Variants in MAST4 observed in about 807,000 individuals in gnomAD.
The protein encoded by MAST4 is microtubule associated serine/threonine kinase family member 4, also known as microtubule-associated serine/threonine-protein kinase 4.
Under a neutral mutation model 162.7 loss-of-function variants are expected in MAST4, and 89 were observed. That is an observed-to-expected ratio of 0.55 (90% confidence interval 0.46 to 0.65). The LOEUF is 0.65. Among genes scored for constraint, MAST4 ranks in the 30% least tolerant of loss-of-function variants. The pLI is 0.00. For synonymous variants in MAST4, 1,479 were observed against 1,361.1 expected (o/e 1.09, Z -1.91); for missense variants, 3,153 against 3,374.0 (o/e 0.93, Z 1.62).
At chr5:67,042,691 C>T in intron 4 of MAST4, among the ~76,000 whole-genome samples, 1 of 152,160 alleles carries the variant, frequency 6.6e-6, no homozygotes, top group East Asian at 1.9e-4. Context: ...CTTCTCCATT[C>T]AGGAAACATT....
chr5:67,138,999 C>G (rs1165395686), intron 19 of MAST4, among the ~76,000 whole-genome samples: 3 of 152,206 alleles, frequency 2.0e-5, no homozygotes, highest in Non-Finnish European at 4.4e-5. Context: ...AGTTACTTCT[C>G]TGCACATTTT....
chr5:66,861,686 C>T (rs1055309574), intron 3 of MAST4, among the ~76,000 whole-genome samples: 1 of 152,138 alleles, frequency 6.6e-6, no homozygotes, highest in Non-Finnish European at 1.5e-5. Flanking sequence ...GCAGTGTGAC[C>T]TAAACATGAA....
At chr5:66,811,668 T>A (rs553030795) in intron 3 of MAST4, among the ~76,000 whole-genome samples, 1 of 152,302 alleles carries the variant, frequency 6.6e-6, no homozygotes, top group East Asian at 1.9e-4. Flanking sequence ...GAAAGTCTAA[T>A]CTGGTGAACA....
At chr5:67,105,104 G>A (rs1176290388) in intron 10 of MAST4, among the ~76,000 whole-genome samples, 1 of 152,176 alleles carries the variant, frequency 6.6e-6, no homozygotes, top group African/African-American at 2.4e-5. Context: ...CACAGGACCT[G>A]TCTAGGCCTA....
chr5:67,110,166 T>C lies in MAST4; in HGVS notation c.1425T>C (p.Val475=). Residue 475 remains valine, a synonymous_variant, in exon 11 of 29, where the codon GTT becomes GTC. Transcript: ENST00000403625. ...IKQLVRKILI[V]IARPARLLEC... ...AACTAGTTCGAAAGATCCTAATTGTTATTGCCCGCCCTGCTCGGTTATTAG... is the reference window on the plus strand; with the variant it reads ...AACTAGTTCGAAAGATCCTAATTGTCATTGCCCGCCCTGCTCGGTTATTAG... The C allele has an allele frequency of 3.7e-6, 6 of 1,613,708 alleles. No homozygotes were observed. The highest frequency in any genetic ancestry group is 4.2e-6 in the Non-Finnish European group (5 of 1,179,646).
chr5:66,810,140 C>T (rs768170297), intron 3 of MAST4, among the ~76,000 whole-genome samples: 8 of 152,132 alleles, frequency 5.3e-5, no homozygotes, highest in Admixed American at 1.3e-4. Context: ...ATGCTTGGCA[C>T]ACCATTACTT....
chr5:66,979,732 T>C (rs1748555265), intron 4 of MAST4, among the ~76,000 whole-genome samples: 1 of 152,238 alleles, frequency 6.6e-6, no homozygotes, highest in Non-Finnish European at 1.5e-5. Context: ...TTTCAGGCAA[T>C]AATTTGTCCA....
At chr5:67,066,096 AG>A (rs1207509434) in intron 5 of MAST4, among the ~76,000 whole-genome samples, 2 of 152,102 alleles carry the variant, frequency 1.3e-5, no homozygotes, top group African/African-American at 2.4e-5. Context: ...ATATAGTTTT[AG>A]GGGGGAGAGA....
intron 4 of MAST4, among the ~76,000 whole-genome samples, chr5:66,956,421 A>G (rs1287287965): frequency 6.6e-6 from 1 of 152,138 alleles, no homozygotes; most frequent in Non-Finnish European, 1.5e-5. Context: ...ATCATGGCTT[A>G]GATTCCCTGG....
chr5:67,166,502 C>A lies in MAST4; in HGVS notation c.7323C>A (p.Pro2441=), dbSNP rs1773997767. 6.2e-7 allele frequency: 1 copy of A among 1,605,830 alleles called. No homozygotes were observed. Among genetic ancestry groups the A allele is most frequent in the Non-Finnish European group, 8.5e-7 (1 of 1,176,376 alleles). ...ADKPNGMKRS[P]SATGQSSFRS... Reference sequence around the variant, plus strand: ...AGCCCAATGGCATGAAACGGTCCCCCTCAGCCACTGGGCAGAGTTCTTTCC... The same window carrying A: ...AGCCCAATGGCATGAAACGGTCCCCATCAGCCACTGGGCAGAGTTCTTTCC... Residue 2441 remains proline, a synonymous_variant, in exon 29 of 29, where the codon CCC becomes CCA. Transcript: ENST00000403625.
At chr5:66,821,949 A>G (rs1305788436) in intron 3 of MAST4, among the ~76,000 whole-genome samples, 1 of 152,162 alleles carries the variant, frequency 6.6e-6, no homozygotes, top group Non-Finnish European at 1.5e-5. Context: ...AGGTGTCCCC[A>G]GTGAGGGGCA....
At chr5:67,117,547 T>A (rs1420053827) in intron 12 of MAST4, among the ~76,000 whole-genome samples, 2 of 151,632 alleles carry the variant, frequency 1.3e-5, no homozygotes, top group Non-Finnish European at 2.9e-5. Context: ...AAATTAAGTT[T>A]TTTAAAATTG....
At position 67,131,889 on chromosome 5, in the gene MAST4, G is replaced by T. The variant is rs780433285; in HGVS notation, c.2031G>T (p.Thr677=). 3 of 1,613,158 alleles carry T rather than the reference G, an allele frequency of 1.9e-6. No individual in the cohort carries two copies. Among genetic ancestry groups the T allele is most frequent in the Non-Finnish European group, 2.5e-6 (3 of 1,179,334 alleles). The change falls in exon 16 of 29, where the codon ACG becomes ACT. Residue 677 remains threonine, a synonymous_variant. Coordinates refer to ENST00000403625, the MANE Select transcript of MAST4 (RefSeq NM_001164664.2). ...VDMARMYFAE[T]VLALEYLHNY... is the part of the protein sequence containing the mutation. Reference sequence around the variant, plus strand: ...TGGCCAGAATGTACTTTGCTGAGACGGTCTTGGCCTTGGAATATTTACATA... The same window carrying T: ...TGGCCAGAATGTACTTTGCTGAGACTGTCTTGGCCTTGGAATATTTACATA...
chr5:66,715,337 A>G (rs1273684245), intron 1 of MAST4, among the ~76,000 whole-genome samples: 1 of 152,200 alleles, frequency 6.6e-6, no homozygotes, highest in African/African-American at 2.4e-5. Context: ...ATGACCCTGA[A>G]CAGTTTGTCA....
At chr5:66,660,836 G>T (rs1746860129) in intron 1 of MAST4, among the ~76,000 whole-genome samples, 1 of 152,148 alleles carries the variant, frequency 6.6e-6, no homozygotes, top group Non-Finnish European at 1.5e-5. Flanking sequence ...AGACTTGTCA[G>T]TAATGGTGAC....
At chr5:67,053,306 T>C (rs986955637) in intron 4 of MAST4, among the ~76,000 whole-genome samples, 1 of 152,228 alleles carries the variant, frequency 6.6e-6, no homozygotes. Context: ...TTTGAATATT[T>C]AGAAATGTTA....
rs1554066737 is a variant in MAST4, at chr5:66,907,158, C to CAAGAGA, written c.674+7176_674+7177insAAGAGA. 3.9e-3 allele frequency among the ~76,000 whole-genome samples: 407 copies of CAAGAGA among 104,350 alleles called. 6 individuals are homozygous for CAAGAGA. Among genetic ancestry groups the CAAGAGA allele is most frequent in the South Asian group, 0.023 (62 of 2,692 alleles). The allele number at this position is 104,350 out of a possible 152,430, so 68.5% of individuals were successfully genotyped here. ...AAAGGAAAAATAACTCTCAGCAAAG[C>CAAGAGA]GAGAGAGAGAGAGAGAGAGAGAGAG... is the stretch of plus-strand genomic sequence containing the variant. On this transcript the variant is annotated intron_variant, in intron 4 of 28. Transcript: ENST00000403625.
rs1452471761 is a variant in MAST4 at position 67,104,434 on chromosome 5, C to T, written c.1215C>T (p.Pro405=). 1.2e-6 allele frequency: 2 copies of T among 1,613,780 alleles called. No homozygotes were observed. Among genetic ancestry groups the T allele is most frequent in the Admixed American group, 3.3e-5 (2 of 60,002 alleles). The change falls in exon 10 of 29, where the codon CCC becomes CCT. Residue 405 remains proline, a synonymous_variant. Transcript: ENST00000403625. ...GCTACTCTCCTGACAACGTTCTACC[C>T]TTAGCAGATGGAGTGCTTAGTTTCA... ...ITSYSPDNVL[P]LADGVLSFTH...
intron 17 of MAST4, 71 bp from the exon 18 acceptor site, chr5:67,134,452 G>T: frequency 1.4e-6 from 2 of 1,423,266 alleles, no homozygotes; most frequent in South Asian, 2.8e-5. Context: ...AATAATTGGT[G>T]ACTAGCCATC....
Sources: gnomAD v4.1 joint callset for allele counts (sites outside exome capture counted in the v4.1 genomes callset) on GRCh38, gnomAD v4.1.1 for gene constraint, MANE v1.5 for transcripts, NCBI Gene and HGNC (gene_info 2026-07-23, HGNC 2026-07-21) for gene names.